The following UNC80 variants were observed in gnomAD, a reference collection of about 807,000 sequenced individuals.
The protein encoded by UNC80 is unc-80 subunit of NALCN channel complex, also known as protein unc-80 homolog.
UNC80 carries 164 observed loss-of-function variants against 384.6 expected under a neutral mutation model. The ratio of observed to expected loss-of-function variants is 0.43; its 90% CI spans 0.38 to 0.49. UNC80 has a LOEUF of 0.49. Among genes scored for constraint, UNC80 ranks in the 20% least tolerant of loss-of-function variants. The pLI, the probability that UNC80 is intolerant of heterozygous loss-of-function variation, is 0.00. For synonymous variants in UNC80, 1,486 were observed against 1,527.8 expected (o/e 0.97, Z 0.64); for missense variants, 3,330 against 4,143.0 (o/e 0.80, Z 5.39).
intron 7 of UNC80, among the ~76,000 whole-genome samples, chr2:209,811,309 C>T (rs1283568189): frequency 6.6e-6 from 1 of 152,120 alleles, no homozygotes; most frequent in Non-Finnish European, 1.5e-5. Flanking sequence ...GTAAACCCAG[C>T]CAGACTATTC....
At chr2:209,841,009 A>G (rs1016977589) in intron 20 of UNC80, among the ~76,000 whole-genome samples, 3 of 152,236 alleles carry the variant, frequency 2.0e-5, no homozygotes, top group African/African-American at 7.2e-5. Flanking sequence ...CCTTTTACAT[A>G]TTAAGACACA....
intron 7 of UNC80, among the ~76,000 whole-genome samples, chr2:209,807,553 C>T (rs1263882990): frequency 6.6e-6 from 1 of 151,878 alleles, no homozygotes; most frequent in African/African-American, 2.4e-5. Flanking sequence ...TTAGTAGAAA[C>T]GGGGTTTCAC....
At position 209,842,443 on chromosome 2, in the gene UNC80, C is replaced by T; in HGVS notation, c.3451C>T (p.Leu1151Phe). The T allele has an allele frequency of 1.3e-6, 2 of 1,547,974 alleles. No homozygotes were observed. Among genetic ancestry groups the T allele is most frequent in the Non-Finnish European group, 1.7e-6 (2 of 1,143,966 alleles). Reference protein sequence around the residue: ...RDEEENFFKRLGCHSFDDHLS... With the variant: ...RDEEENFFKRFGCHSFDDHLS... ...TGAAGAGGAGAATTTCTTCAAGCGT[C>T]TTGGTAAATGTCATGCATCCTAAGA... The change falls in exon 21 of 65, where the codon CTT (leucine) becomes TTT (phenylalanine). Residue 1151 changes from leucine to phenylalanine, a missense_variant. Transcript: ENST00000673920.
intron 25 of UNC80, 127 bp downstream of exon 25, chr2:209,881,221 A>G: frequency 3.7e-6 from 4 of 1,086,644 alleles, no homozygotes; most frequent in Non-Finnish European, 5.1e-6. Flanking sequence ...TAAAAATTCA[A>G]CCAAGGGATT....
chr2:209,988,628 A>T (rs2093336494), intron 61 of UNC80, among the ~76,000 whole-genome samples: 1 of 152,168 alleles, frequency 6.6e-6, no homozygotes, highest in Admixed American at 6.5e-5. Flanking sequence ...ATACATATTT[A>T]TATACTGCAA....
chr2:209,932,693 C>T (rs1017760250), intron 38 of UNC80, among the ~76,000 whole-genome samples: 1 of 152,192 alleles, frequency 6.6e-6, no homozygotes, highest in Non-Finnish European at 1.5e-5. Flanking sequence ...GTAAGTCTGC[C>T]ATCTCAACCA....
intron 7 of UNC80, chr2:209,808,809 G>A (rs543351689): frequency 5.1e-4 from 14 of 27,204 alleles, no homozygotes; most frequent in African/African-American, 1.3e-3. Context: ...CCACCATGCC[G>A]CGCTCTTTCC....
At chr2:209,823,881 A>C (rs1480465485) in intron 13 of UNC80, among the ~76,000 whole-genome samples, 1 of 152,122 alleles carries the variant, frequency 6.6e-6, no homozygotes, top group Non-Finnish European at 1.5e-5. Context: ...CAAAAATCTG[A>C]AATCTAAAAT....
intron 22 of UNC80, among the ~76,000 whole-genome samples, chr2:209,851,588 C>T (rs2082533959): frequency 6.6e-6 from 1 of 152,026 alleles, no homozygotes; most frequent in African/African-American, 2.4e-5. Context: ...GATAACACAA[C>T]AAAACTCAAC....
At chr2:209,773,210 T>C in intron 2 of UNC80, 68 bp downstream of exon 2, 1 of 1,371,834 alleles carries the variant, frequency 7.3e-7, no homozygotes, top group Non-Finnish European at 1.0e-6. Context: ...CAAAGACAGA[T>C]TTTAAATCAA....
At chr2:209,856,660 A>T (rs576001774) in intron 22 of UNC80, among the ~76,000 whole-genome samples, 1 of 152,212 alleles carries the variant, frequency 6.6e-6, no homozygotes, top group African/African-American at 2.4e-5. Flanking sequence ...CAATATATTG[A>T]CTAGTTAATG....
intron 26 of UNC80, among the ~76,000 whole-genome samples, chr2:209,889,434 C>G (rs977113512): frequency 6.6e-6 from 1 of 152,228 alleles, no homozygotes; most frequent in Non-Finnish European, 1.5e-5. Context: ...CTTGTATGCA[C>G]ATACACACCT....
chr2:209,785,782 A>G (rs1459102100), intron 4 of UNC80, among the ~76,000 whole-genome samples: 2 of 152,242 alleles, frequency 1.3e-5, no homozygotes, highest in East Asian at 1.9e-4. Flanking sequence ...CACTGCAAAC[A>G]CAAAACAATA....
intron 56 of UNC80, among the ~76,000 whole-genome samples, chr2:209,973,483 C>T (rs1285856648): frequency 6.6e-6 from 1 of 152,282 alleles, no homozygotes; most frequent in South Asian, 2.1e-4. Flanking sequence ...GAACAAGAAA[C>T]ATTACCCTTG....
At chr2:209,878,420 T>G (rs143661032) in intron 24 of UNC80, among the ~76,000 whole-genome samples, 97 of 152,352 alleles carry the variant, frequency 6.4e-4, no homozygotes, top group South Asian at 1.2e-3. Context: ...GAAAATTTAC[T>G]GTCCTAGAAG....
At chr2:209,902,117 T>G (rs2087486447) in intron 28 of UNC80, among the ~76,000 whole-genome samples, 1 of 152,122 alleles carries the variant, frequency 6.6e-6, no homozygotes, top group South Asian at 2.1e-4. Context: ...AGTTTGGAAG[T>G]AGTTGATGCC....
chr2:209,881,625 GCACACACACA>G (rs113873662), intron 25 of UNC80, among the ~76,000 whole-genome samples: 5 of 147,164 alleles, frequency 3.4e-5, no homozygotes, highest in African/African-American at 5.0e-5. Context: ...ATGTGTGCAT[GCACACACACA>G]CACACACACA....
At chr2:209,787,021 C>CTATATATATATATATATATA (rs2077482768) in intron 5 of UNC80, among the ~76,000 whole-genome samples, 1 of 109,248 alleles carries the variant, frequency 9.2e-6, no homozygotes, top group African/African-American at 3.7e-5. Flanking sequence ...ATATATATAC[C>CTATATATATATATATATATA]TATATATTTT....
chr2:209,955,738 T>TATATATATATACAC (rs1437539911), intron 48 of UNC80, among the ~76,000 whole-genome samples: 4 of 53,540 alleles, frequency 7.5e-5, no homozygotes, highest in Admixed American at 2.5e-4. Context: ...TATATATATA[T>TATATATATATACAC]ACACACACAC....
Sources: gnomAD v4.1 joint callset for allele counts (sites outside exome capture counted in the v4.1 genomes callset) on GRCh38, gnomAD v4.1.1 for gene constraint, MANE v1.5 for transcripts, NCBI Gene and HGNC (gene_info 2026-07-23, HGNC 2026-07-21) for gene names.